Variants in STAG1 observed in about 807,000 individuals in gnomAD.
STAG1 encodes the protein cohesin subunit SA-1.
A neutral mutation model predicts 170.9 loss-of-function variants in STAG1; 26 were observed. That is an observed-to-expected ratio of 0.15 (90% CI 0.11 to 0.21). The LOEUF (loss-of-function observed/expected upper bound fraction) is 0.21. Among genes scored for constraint, STAG1 ranks in the 10% least tolerant of loss-of-function variants. The probability of loss-of-function intolerance (pLI) is 1.00; values close to 1 mark genes in which losing one functional copy is unlikely to be tolerated. For missense variants in STAG1, 964 were observed against 1,509.5 expected (o/e 0.64, Z 5.99); for synonymous variants, 514 against 497.7 (o/e 1.03, Z -0.44).
chr3:136,719,173 TGAA>T (rs1174746635), intron 1 of STAG1, among the ~76,000 whole-genome samples: 1 of 152,102 alleles, frequency 6.6e-6, no homozygotes, highest in Non-Finnish European at 1.5e-5. Flanking sequence ...ATTAATAAAA[TGAA>T]GAACTCTTCA....
In STAG1 at chr3:136,337,560, T is replaced by C. The variant is rs2108250601; in HGVS notation, c.*694A>G. ...AATGGCTGCATGGACATTTCTTATT[T>C]TATGCCCACTTATAAATAAAAATAA... On this transcript the variant is annotated 3_prime_UTR_variant, in exon 34 of 34. Coordinates refer to ENST00000383202, the MANE Select transcript of STAG1 (RefSeq NM_005862.3). 1 of 152,770 alleles carries C rather than the reference T, an allele frequency of 6.5e-6. No individual in the cohort carries two copies. Among genetic ancestry groups the C allele is most frequent in the South Asian group, 2.1e-4 (1 of 4,824 alleles). 9.5% of individuals were successfully genotyped at this position (152,770 alleles called of 1,614,324 possible). A position where few individuals can be genotyped will look rare whatever the true frequency, so the allele number is the denominator to read the frequency against.
chr3:136,676,830 CTTTT>C (rs1327700297), intron 1 of STAG1, among the ~76,000 whole-genome samples: 3 of 151,700 alleles, frequency 2.0e-5, no homozygotes, highest in South Asian at 2.1e-4. Flanking sequence ...ATTTTTTAAA[CTTTT>C]TTTAAGTTAA....
chr3:136,478,257 T>A (rs1385801911), intron 9 of STAG1, among the ~76,000 whole-genome samples: 2 of 152,172 alleles, frequency 1.3e-5, no homozygotes, highest in African/African-American at 4.8e-5. Context: ...TACTGCGAAG[T>A]CATGGCAGAA....
chr3:136,350,208 C>T (rs1936384644), intron 28 of STAG1, among the ~76,000 whole-genome samples: 1 of 152,148 alleles, frequency 6.6e-6, no homozygotes, highest in Admixed American at 6.5e-5. Flanking sequence ...TGATCCACAA[C>T]CTGTTCCCTT....
At chr3:136,614,240 A>T (rs970999599) in intron 3 of STAG1, among the ~76,000 whole-genome samples, 6 of 152,170 alleles carry the variant, frequency 3.9e-5, no homozygotes, top group African/African-American at 9.7e-5. Context: ...TAAAATAAAA[A>T]AGAACTTATA....
At chr3:136,530,846 C>G (rs995731555) in intron 6 of STAG1, among the ~76,000 whole-genome samples, 2 of 152,168 alleles carry the variant, frequency 1.3e-5, no homozygotes, top group African/African-American at 4.8e-5. Flanking sequence ...CAGCGCACAC[C>G]TGTAATCTCA....
intron 2 of STAG1, among the ~76,000 whole-genome samples, chr3:136,623,814 G>C (rs1264842027): frequency 1.3e-5 from 2 of 151,962 alleles, no homozygotes; most frequent in Non-Finnish European, 2.9e-5. Context: ...AATCAGCCGG[G>C]CATGGTGGCG....
chr3:136,647,608 T>A (rs961240453), intron 1 of STAG1, among the ~76,000 whole-genome samples: 1 of 151,722 alleles, frequency 6.6e-6, no homozygotes, highest in African/African-American at 2.4e-5. Context: ...AAAAAAAAAA[T>A]AAGGAAAAAA....
At chr3:136,638,535 G>A (rs918471501) in intron 1 of STAG1, among the ~76,000 whole-genome samples, 1 of 152,136 alleles carries the variant, frequency 6.6e-6, no homozygotes, top group South Asian at 2.1e-4. Context: ...TTTAAGGAGA[G>A]TACACAAAGT....
At chr3:136,717,540 TG>T (rs1290377844) in intron 1 of STAG1, among the ~76,000 whole-genome samples, 1 of 152,184 alleles carries the variant, frequency 6.6e-6, no homozygotes, top group Non-Finnish European at 1.5e-5. Context: ...GACAGGCACC[TG>T]TAGTCTCAGC....
intron 1 of STAG1, among the ~76,000 whole-genome samples, chr3:136,696,493 T>C (rs1942895162): frequency 6.6e-6 from 1 of 152,142 alleles, no homozygotes; most frequent in Non-Finnish European, 1.5e-5. Flanking sequence ...ACCCATAGAA[T>C]GTACACCACC....
intron 1 of STAG1, among the ~76,000 whole-genome samples, chr3:136,719,583 G>A (rs1006341391): frequency 6.1e-4 from 91 of 148,730 alleles, no homozygotes; most frequent in African/African-American, 2.3e-3. Flanking sequence ...GGGATGATAA[G>A]TGGGTAGATG....
chr3:136,411,032 G>A (rs2087610493), intron 21 of STAG1, among the ~76,000 whole-genome samples: 2 of 152,194 alleles, frequency 1.3e-5, no homozygotes, highest in Admixed American at 6.5e-5. Flanking sequence ...TCCAGCTTGG[G>A]CAGACAAGCG....
intron 22 of STAG1, among the ~76,000 whole-genome samples, chr3:136,384,463 A>AG (rs1223031687): frequency 4.9e-5 from 7 of 141,858 alleles, no homozygotes; most frequent in East Asian, 2.0e-4. Context: ...AAGAAGAAGA[A>AG]AAAAAAAAAA....
At chr3:136,463,735 A>ATATGTGTG (rs1553725772) in intron 13 of STAG1, among the ~76,000 whole-genome samples, 6 of 101,222 alleles carry the variant, frequency 5.9e-5, no homozygotes, top group Admixed American at 1.2e-4. Context: ...AAATGTGTAT[A>ATATGTGTG]TGTGTGTGTG....
intron 4 of STAG1, among the ~76,000 whole-genome samples, chr3:136,595,679 T>TCAATCAAG (rs1477621378): frequency 9.6e-4 from 2 of 2,080 alleles, no homozygotes; most frequent in African/African-American, 2.0e-3. Flanking sequence ...TCCATCTCAA[T>TCAATCAAG]AAATAAATAA....
intron 21 of STAG1, among the ~76,000 whole-genome samples, chr3:136,412,809 T>C (rs1342947799): frequency 1.3e-5 from 2 of 151,408 alleles, no homozygotes; most frequent in African/African-American, 4.8e-5. Flanking sequence ...TTATTCTGCA[T>C]TGGTCCTAGG....
At chr3:136,715,172 T>G in intron 1 of STAG1, among the ~76,000 whole-genome samples, 1 of 19,658 alleles carries the variant, frequency 5.1e-5, no homozygotes, top group South Asian at 9.6e-4. Context: ...GTTTTTTAAC[T>G]TTTTTTTTTT....
chr3:136,677,357 A>G (rs1409612073), intron 1 of STAG1, among the ~76,000 whole-genome samples: 2 of 152,178 alleles, frequency 1.3e-5, no homozygotes, highest in Non-Finnish European at 2.9e-5. Context: ...GGAATTTTTC[A>G]GCTCCATGAT....
Sources: gnomAD v4.1 joint callset for allele counts (sites outside exome capture counted in the v4.1 genomes callset) on GRCh38, gnomAD v4.1.1 for gene constraint, MANE v1.5 for transcripts, NCBI Gene and HGNC (gene_info 2026-07-23, HGNC 2026-07-21) for gene names.